The following SLC4A10 variants were observed in gnomAD, a reference collection of about 807,000 sequenced individuals.
SLC4A10 encodes the protein sodium-driven chloride bicarbonate exchanger.
SLC4A10 carries 42 observed loss-of-function variants against 137.7 expected under a neutral mutation model. That is an observed-to-expected ratio of 0.30 (90% CI 0.24 to 0.39). The LOEUF is 0.39. Ranked by LOEUF, SLC4A10 falls within the 10% of genes least tolerant of loss-of-function variation. The pLI is 1.00. For missense variants in SLC4A10, 925 were observed against 1,355.0 expected, an observed-to-expected ratio of 0.68 and a Z score of 4.98; for synonymous variants, 474 against 464.1, an observed-to-expected ratio of 1.02 and a Z score of -0.27.
intron 4 of SLC4A10, among the ~76,000 whole-genome samples, chr2:161,847,271 GCA>G (rs138374326): frequency 1.6e-4 from 24 of 148,990 alleles, no homozygotes; most frequent in East Asian, 3.9e-4. Context: ...GCATAGAACT[GCA>G]CACACACACA....
chr2:161,892,768 G>T (rs536551781), intron 10 of SLC4A10, among the ~76,000 whole-genome samples: 2 of 151,918 alleles, frequency 1.3e-5, no homozygotes, highest in Non-Finnish European at 2.9e-5. Context: ...AAAATTTAAA[G>T]TGTCAGAAAT....
At chr2:161,774,645 A>G (rs2052091372) in intron 2 of SLC4A10, among the ~76,000 whole-genome samples, 1 of 151,898 alleles carries the variant, frequency 6.6e-6, no homozygotes. Context: ...CCTGTAGTCA[A>G]TGAAGGCTTA....
intron 3 of SLC4A10, among the ~76,000 whole-genome samples, chr2:161,817,307 G>T (rs1431737426): frequency 1.3e-5 from 2 of 152,134 alleles, no homozygotes; most frequent in Non-Finnish European, 2.9e-5. Context: ...CATATCCTTT[G>T]CCCACTTTTT....
chr2:161,959,205 T>C (rs915861217), intron 21 of SLC4A10, among the ~76,000 whole-genome samples: 8 of 152,338 alleles, frequency 5.3e-5, no homozygotes, highest in Admixed American at 3.3e-4. Flanking sequence ...CTTGTTTTGT[T>C]TGTTTTACTG....
chr2:161,926,171 T>G (rs1313278335), intron 15 of SLC4A10, among the ~76,000 whole-genome samples: 1 of 151,752 alleles, frequency 6.6e-6, no homozygotes, highest in Admixed American at 6.6e-5. Flanking sequence ...CTCCCATTAT[T>G]ATTTTGTGGG....
At chr2:161,932,426 G>T (rs1690568134) in intron 15 of SLC4A10, among the ~76,000 whole-genome samples, 1 of 152,114 alleles carries the variant, frequency 6.6e-6, no homozygotes, top group Non-Finnish European at 1.5e-5. Context: ...GATCAATATG[G>T]ATACATTAGA....
At chr2:161,878,735 T>C (rs1295299059) in intron 8 of SLC4A10, among the ~76,000 whole-genome samples, 1 of 152,130 alleles carries the variant, frequency 6.6e-6, no homozygotes, top group East Asian at 1.9e-4. Flanking sequence ...TGAGTATCAA[T>C]TAAAATGTAT....
rs1288862734 is a variant in SLC4A10 at position 161,864,201 on chromosome 2, C to CA, written c.766+1150dup. 5.3e-3 allele frequency among the ~76,000 whole-genome samples: 732 copies of CA among 137,740 alleles called. 5 individuals are homozygous for CA. Among genetic ancestry groups the CA allele is most frequent in the Non-Finnish European group, 5.2e-3 (332 of 63,328 alleles). The allele number at this position is 137,740 out of a possible 152,430, so 90.4% of individuals were successfully genotyped here. On this transcript the variant is annotated intron_variant, in intron 6 of 26. Coordinates refer to ENST00000446997, the MANE Select transcript of SLC4A10 (RefSeq NM_001178015.2). Reference sequence around the variant, plus strand: ...TGGGCTACACAGCTAGACTCTGTCTCAAAAAAAAAAAGTTTCCAGTTCTAA... The same window carrying CA: ...TGGGCTACACAGCTAGACTCTGTCTCAAAAAAAAAAAAGTTTCCAGTTCTAA...
chr2:161,974,439 A>G (rs1699063670), intron 24 of SLC4A10, 123 bp downstream of exon 24: 2 of 742,930 alleles, frequency 2.7e-6, no homozygotes, highest in Admixed American at 3.6e-5. Context: ...AGTAGAAAGA[A>G]CGAAGAGTTA....
intron 1 of SLC4A10, among the ~76,000 whole-genome samples, chr2:161,699,809 G>A (rs2042945572): frequency 6.6e-6 from 1 of 152,032 alleles, no homozygotes; most frequent in African/African-American, 2.4e-5. Flanking sequence ...ATGAAGGAGA[G>A]AGGCCTGCAT....
intron 1 of SLC4A10, among the ~76,000 whole-genome samples, chr2:161,663,831 A>G (rs1319877861): frequency 6.6e-6 from 1 of 152,068 alleles, no homozygotes; most frequent in Non-Finnish European, 1.5e-5. Context: ...TTGTTATAAT[A>G]TGAATTTTTT....
At chr2:161,914,400 A>G (rs547560711) in intron 15 of SLC4A10, among the ~76,000 whole-genome samples, 1 of 152,336 alleles carries the variant, frequency 6.6e-6, no homozygotes, top group South Asian at 2.1e-4. Context: ...CTGTTTAAAT[A>G]TTATGAGAAG....
chr2:161,913,457 T>C lies in SLC4A10; in HGVS notation c.1997+7570T>C, dbSNP rs531551688. ...ACAGAATAGACAGAAATACAATAGC[T>C]ATAAAAAATTGTGAACCTTTGCTCT... On this transcript the variant is annotated intron_variant, in intron 15 of 26. Transcript: ENST00000446997. Among the ~76,000 whole-genome samples the C allele has an allele frequency of 2.0e-3, 301 of 152,242 alleles. 1 individual carries two copies. The highest frequency in any genetic ancestry group is 6.6e-3 in the African/African-American group (276 of 41,552).
At chr2:161,942,977 AT>A (rs1051318043) in intron 16 of SLC4A10, 80 bp downstream of exon 16, 316 of 1,028,152 alleles carry the variant, frequency 3.1e-4, no homozygotes, top group African/African-American at 3.2e-4. Context: ...TTACAGTAAA[AT>A]TTTTTTGAAT....
intron 1 of SLC4A10, among the ~76,000 whole-genome samples, chr2:161,721,969 G>A (rs926598569): frequency 6.6e-6 from 1 of 151,990 alleles, no homozygotes; most frequent in Non-Finnish European, 1.5e-5. Flanking sequence ...TCTCCATTTG[G>A]TCTATTCAGC....
intron 1 of SLC4A10, among the ~76,000 whole-genome samples, chr2:161,683,686 G>A (rs551835963): frequency 6.6e-5 from 10 of 152,244 alleles, no homozygotes; most frequent in African/African-American, 1.9e-4. Context: ...CTGTTTTATG[G>A]TAATTAGACT....
chr2:161,957,644 T>C (rs1695902809), intron 20 of SLC4A10, among the ~76,000 whole-genome samples: 1 of 152,170 alleles, frequency 6.6e-6, no homozygotes. Context: ...TAATAAGAGA[T>C]AGAGGTGAAG....
intron 22 of SLC4A10, 21 bp downstream of exon 22, chr2:161,964,329 A>ATT: frequency 6.2e-7 from 1 of 1,611,326 alleles, no homozygotes; most frequent in Non-Finnish European, 8.5e-7. Flanking sequence ...TCTGTCAACT[A>ATT]TTTTTCTCTT....
chr2:161,793,703 C>T (rs548294744), intron 2 of SLC4A10, among the ~76,000 whole-genome samples: 1 of 152,164 alleles, frequency 6.6e-6, no homozygotes, highest in African/African-American at 2.4e-5. Context: ...ATTTTAATTT[C>T]CTGCTGGTAC....
Sources: allele counts gnomAD v4.1 joint callset (sites outside exome capture counted in the v4.1 genomes callset), GRCh38; gene constraint gnomAD v4.1.1; transcripts MANE v1.5; gene names NCBI Gene and HGNC (gene_info 2026-07-23, HGNC 2026-07-21).